Variants in DPYSL3 observed in about 807,000 individuals in gnomAD.
The protein encoded by DPYSL3 is dihydropyrimidinase like 3.
A neutral mutation model predicts 66.1 loss-of-function variants in DPYSL3; 16 were observed. The ratio of observed to expected loss-of-function variants is 0.24; its 90% CI spans 0.16 to 0.37. The LOEUF (loss-of-function observed/expected upper bound fraction) is 0.37, where lower values mean the gene tolerates loss of function less well. DPYSL3 is among the 10% of genes least tolerant of loss of function. The pLI is 1.00. For missense variants in DPYSL3, 738 were observed against 916.2 expected, an observed-to-expected ratio of 0.81 and a Z score of 2.51; for synonymous variants, 338 against 345.1, an observed-to-expected ratio of 0.98 and a Z score of 0.23.
At chr5:147,493,290 G>A (rs1039577359) in intron 1 of DPYSL3, among the ~76,000 whole-genome samples, 1 of 152,210 alleles carries the variant, frequency 6.6e-6, no homozygotes, top group Non-Finnish European at 1.5e-5. Context: ...GACAGATCAT[G>A]GGCAGGACGT....
At chr5:147,493,781 A>G (rs1458876335) in intron 1 of DPYSL3, among the ~76,000 whole-genome samples, 1 of 152,220 alleles carries the variant, frequency 6.6e-6, no homozygotes, top group Non-Finnish European at 1.5e-5. Flanking sequence ...GGTATAAAAC[A>G]CATCTTAACA....
intron 1 of DPYSL3, among the ~76,000 whole-genome samples, chr5:147,457,167 T>C (rs1264970059): frequency 6.6e-6 from 1 of 152,208 alleles, no homozygotes; most frequent in East Asian, 1.9e-4. Context: ...GTTTACTTCG[T>C]ATTCTTCTTA....
chr5:147,469,748 T>C (rs1753057883), intron 1 of DPYSL3, among the ~76,000 whole-genome samples: 1 of 152,198 alleles, frequency 6.6e-6, no homozygotes, highest in Admixed American at 6.5e-5. Flanking sequence ...TCACCCATTC[T>C]CACTGGTATA....
chr5:147,491,980 A>C (rs1383734308), intron 1 of DPYSL3, among the ~76,000 whole-genome samples: 4 of 152,118 alleles, frequency 2.6e-5, no homozygotes, highest in African/African-American at 9.7e-5. Context: ...ATCAAAAAAA[A>C]CCCTTACACA....
chr5:147,460,390 G>C (rs78231579), intron 1 of DPYSL3, among the ~76,000 whole-genome samples: 3,589 of 152,252 alleles, frequency 0.024, 70 homozygotes, highest in Middle Eastern at 0.044. Context: ...ATGTTCATGG[G>C]TTTGGGAAAA....
chr5:147,437,894 T>A (rs900707319), intron 1 of DPYSL3, among the ~76,000 whole-genome samples: 9 of 152,228 alleles, frequency 5.9e-5, no homozygotes, highest in African/African-American at 2.2e-4. Context: ...CTTTAGAAGC[T>A]AGAATCTCCC....
intron 1 of DPYSL3, among the ~76,000 whole-genome samples, chr5:147,507,579 AAAC>A (rs1327884325): frequency 2.0e-5 from 3 of 152,224 alleles, no homozygotes; most frequent in African/African-American, 4.8e-5. Flanking sequence ...TCAAGGAAAT[AAAC>A]AACAAGTTCA....
Position 147,509,575 on chromosome 5 carries a change from C to A in DPYSL3, c.284G>T (p.Ser95Ile). 6.5e-7 allele frequency: 1 copy of A among 1,535,362 alleles called. No individual in the cohort carries two copies. The highest frequency in any genetic ancestry group is 8.7e-7 in the Non-Finnish European group (1 of 1,146,642). ...GGGGGAGGCGGGCGCGGGCTCCCTG[C>A]TCTCTTCCCGGCCTTGGCCCCTGCG... is the stretch of plus-strand genomic sequence containing the variant. Reference protein sequence around the residue: ...TPRRGQGREESREPAPASPAP... With the variant: ...TPRRGQGREEIREPAPASPAP... Residue 95 changes from serine to isoleucine, a missense_variant, in exon 1 of 14, where the codon AGC becomes ATC. By Grantham distance (142) the Ser-to-Ile change is moderately radical. Transcript: ENST00000343218. The surrounding 1 kb of genome is among the most constrained non-coding windows in gnomAD (Gnocchi z 5.3).
chr5:147,421,980 A>G (rs1343102217), intron 2 of DPYSL3, among the ~76,000 whole-genome samples: 1 of 152,228 alleles, frequency 6.6e-6, no homozygotes, highest in East Asian at 1.9e-4. Context: ...CACCAAAAGC[A>G]ATGGCAACAA....
At chr5:147,414,652 G>A (rs1011897868) in intron 4 of DPYSL3, among the ~76,000 whole-genome samples, 24 of 152,164 alleles carry the variant, frequency 1.6e-4, no homozygotes, top group Non-Finnish European at 2.2e-4. Context: ...AAAGCCGTTC[G>A]ATTTTCTACG....
chr5:147,418,760 G>A, intron 2 of DPYSL3, 129 bp from the exon 3 acceptor site: 1 of 788,054 alleles, frequency 1.3e-6, no homozygotes, highest in Non-Finnish European at 1.9e-6. Context: ...AACTTTGCAA[G>A]TGACTCACAA....
At chr5:147,426,273 T>C (rs1454242437) in intron 1 of DPYSL3, among the ~76,000 whole-genome samples, 2 of 152,100 alleles carry the variant, frequency 1.3e-5, no homozygotes, top group East Asian at 3.9e-4. Flanking sequence ...GAATAGCATG[T>C]GCACAAGCCT....
intron 1 of DPYSL3, among the ~76,000 whole-genome samples, chr5:147,430,951 G>A (rs1379534271): frequency 2.6e-5 from 4 of 152,116 alleles, no homozygotes; most frequent in African/African-American, 9.7e-5. Context: ...TAAAATGAAG[G>A]ATGAGACTCC....
At chr5:147,423,884 G>A (rs552603694) in intron 2 of DPYSL3, among the ~76,000 whole-genome samples, 3 of 152,160 alleles carry the variant, frequency 2.0e-5, no homozygotes, top group Non-Finnish European at 4.4e-5. Flanking sequence ...GCACACCCGG[G>A]TAATTTTTGT....
intron 1 of DPYSL3, among the ~76,000 whole-genome samples, chr5:147,506,671 A>G (rs1041972608): frequency 2.9e-4 from 44 of 152,342 alleles, no homozygotes; most frequent in African/African-American, 1.0e-3. Flanking sequence ...TGTAACGGGC[A>G]TTAAAATTGA....
At position 147,418,476 on chromosome 5, in the gene DPYSL3, G is replaced by A. The variant is rs768216009; in HGVS notation, c.626C>T (p.Ala209Val). ...TVDDFFQGTK[A>V]ALAGGTTMII... ...CATGGTGGTGCCACCTGCTAAGGCC[G>A]CCTTTGTCCCTTGGAAGAAGTCATC... Residue 209 changes from alanine (A) to valine (V), a missense_variant, in exon 3 of 14, where the codon GCG becomes GTG. By Grantham distance (64) the Ala-to-Val change is moderately conservative. Coordinates refer to ENST00000343218, the MANE Select transcript of DPYSL3 (RefSeq NM_001197294.2). The A allele has an allele frequency of 7.4e-6, 12 of 1,611,052 alleles. No homozygotes were observed. Among genetic ancestry groups the A allele is most frequent in the Non-Finnish European group, 9.3e-6 (11 of 1,178,650 alleles).
At chr5:147,443,977 G>A (rs1240555362) in intron 1 of DPYSL3, among the ~76,000 whole-genome samples, 1 of 151,990 alleles carries the variant, frequency 6.6e-6, no homozygotes, top group Non-Finnish European at 1.5e-5. Context: ...TGCAGAAGAG[G>A]GGCACCAACT....
intron 1 of DPYSL3, among the ~76,000 whole-genome samples, chr5:147,457,395 T>A (rs1349301406): frequency 1.3e-5 from 2 of 152,210 alleles, no homozygotes; most frequent in African/African-American, 4.8e-5. Flanking sequence ...TGCTCAATAA[T>A]TATTAGGGGA....
chr5:147,393,898 A>G lies in DPYSL3; in HGVS notation c.*137T>C, dbSNP rs1757889737. The G allele has an allele frequency of 1.2e-6, 1 of 851,342 alleles. No individual in the cohort carries two copies. Among genetic ancestry groups the G allele is most frequent in the South Asian group, 1.7e-5 (1 of 57,960 alleles). The allele number at this position is 851,342 out of a possible 1,614,324, so 52.7% of individuals were successfully genotyped here. A position where few individuals can be genotyped will look rare whatever the true frequency, so the allele number is the denominator to read the frequency against. ...TAGGCAAGCGAGCGTAACATTGGAG[A>G]AACATAAGGCTTGAGGCTTATTGAT... On this transcript the variant is annotated 3_prime_UTR_variant, in exon 14 of 14. Transcript: ENST00000343218.
Sources: gnomAD v4.1 joint callset for allele counts (sites outside exome capture counted in the v4.1 genomes callset) on GRCh38, gnomAD v4.1.1 for gene constraint, Gnocchi (gnomAD v3.1) non-coding constraint, MANE v1.5 for transcripts, NCBI Gene and HGNC (gene_info 2026-07-23, HGNC 2026-07-21) for gene names.